OTUD3: variants seen among roughly 807,000 people sequenced by gnomAD.
The protein encoded by OTUD3 is OTU deubiquitinase 3, also known as OTU domain-containing protein 3.
In OTUD3, 24 loss-of-function variants were observed where a neutral mutation model predicts 46.2. That is an observed-to-expected ratio of 0.52 (90% CI 0.38 to 0.73). OTUD3 has a LOEUF of 0.73. OTUD3 is among the 30% of genes least tolerant of loss of function. The pLI is 0.00. For missense variants in OTUD3, 455 were observed against 523.3 expected, an observed-to-expected ratio of 0.87 and a Z score of 1.27; for synonymous variants, 189 against 195.4, an observed-to-expected ratio of 0.97 and a Z score of 0.27.
At chr1:19,893,604 A>G (rs1047582906) in intron 2 of OTUD3, among the ~76,000 whole-genome samples, 9 of 152,090 alleles carry the variant, frequency 5.9e-5, no homozygotes, top group African/African-American at 1.9e-4. Flanking sequence ...CTCTCACCCT[A>G]TCACCACCAC....
At chr1:19,903,711 T>C (rs997788859) in intron 4 of OTUD3, among the ~76,000 whole-genome samples, 1 of 152,146 alleles carries the variant, frequency 6.6e-6, no homozygotes, top group Non-Finnish European at 1.5e-5. Context: ...AGGATTTGGA[T>C]TGACAAGTTT....
intron 6 of OTUD3, among the ~76,000 whole-genome samples, chr1:19,905,530 C>G (rs1335548595): frequency 6.6e-6 from 1 of 151,952 alleles, no homozygotes; most frequent in Non-Finnish European, 1.5e-5. Flanking sequence ...ATCACGAGGT[C>G]AGGAGTTTGA....
In OTUD3 at chr1:19,912,906, T is replaced by C. The variant is rs1248969940; in HGVS notation, c.*5160T>C. On this transcript the variant is annotated 3_prime_UTR_variant, in exon 8 of 8. Coordinates refer to ENST00000375120, the MANE Select transcript of OTUD3 (RefSeq NM_015207.2). ...AAGATGTGCCACTTTATCTATGAAA[T>C]GGAGTTTTGTATACCAATAAATTCT... is the stretch of plus-strand genomic sequence containing the variant. 6.6e-6 allele frequency: 1 copy of C among 152,360 alleles called. No individual in the cohort carries two copies. The highest frequency in any genetic ancestry group is 1.5e-5 in the Non-Finnish European group (1 of 68,034). 9.4% of individuals were successfully genotyped at this position (152,360 alleles called of 1,614,324 possible).
In OTUD3 at chr1:19,894,447, A is replaced by G; in HGVS notation, c.450A>G (p.Val150=). Reference sequence around the variant, plus strand: ...TTGCAAGAAATCATCAGTTGAATGTAGTGATTCATCAACTTAATGCCCCTT... The same window carrying G: ...TTGCAAGAAATCATCAGTTGAATGTGGTGATTCATCAACTTAATGCCCCTT... ...VAFARNHQLN[V]VIHQLNAPLW... Residue 150 remains valine (V), a synonymous_variant, in exon 3 of 8, where the codon GTA becomes GTG. Transcript: ENST00000375120. 2 of 1,607,694 alleles carry G rather than the reference A, an allele frequency of 1.2e-6. No homozygotes were observed. Among genetic ancestry groups the G allele is most frequent in the Non-Finnish European group, 1.7e-6 (2 of 1,175,906 alleles).
chr1:19,898,996 A>G (rs1466291587), intron 4 of OTUD3, among the ~76,000 whole-genome samples: 2 of 152,040 alleles, frequency 1.3e-5, no homozygotes, highest in Non-Finnish European at 2.9e-5. Context: ...TTTTTTGCAG[A>G]GATGAAGTTT....
In OTUD3 at chr1:19,882,660, CGAG is replaced by C; in HGVS notation, c.154_156del (p.Glu52del). ...CGGAGTCTGGCGGCGGCGGCGGCTGCGAGGAGGAGTTCGTCAGCTTCGCCAACC... is the reference window on the plus strand; with the variant it reads ...CGGAGTCTGGCGGCGGCGGCGGCTGCGAGGAGTTCGTCAGCTTCGCCAACC... On this transcript the variant is annotated inframe_deletion, in exon 1 of 8. Transcript: ENST00000375120. 2 of 1,459,102 alleles carry C rather than the reference CGAG, an allele frequency of 1.4e-6. No individual in the cohort carries two copies. Among genetic ancestry groups the C allele is most frequent in the African/African-American group, 1.5e-5 (1 of 68,200 alleles). The allele number at this position is 1,459,102 out of a possible 1,614,324, so 90.4% of individuals were successfully genotyped here.
At chr1:19,907,482 CTGTGCCCTT>C (rs1417492404) in intron 7 of OTUD3, 79 bp from the exon 8 acceptor site, 6 of 1,288,882 alleles carry the variant, frequency 4.7e-6, no homozygotes, top group Non-Finnish European at 6.6e-6. Flanking sequence ...GAAAAGCAAT[CTGTGCCCTT>C]TGCCACCATC....
At chr1:19,906,280 TC>T (rs1249231953) in intron 6 of OTUD3, 151 bp from the exon 7 acceptor site, 1 of 562,762 alleles carries the variant, frequency 1.8e-6, no homozygotes, top group Non-Finnish European at 2.9e-6. Flanking sequence ...TTCCTATGTT[TC>T]CCACTGTCTT....
Position 19,895,745 on chromosome 1 carries a change from C to T in OTUD3, c.483+1265C>T, listed in dbSNP as rs537344798. Among the ~76,000 whole-genome samples, 3 of 152,200 alleles carry T rather than the reference C, an allele frequency of 2.0e-5. No homozygotes were observed. The East Asian group carries it at 5.8e-4, about 29-fold the overall frequency. On this transcript the variant is annotated intron_variant, in intron 3 of 7. Transcript: ENST00000375120. Reference sequence around the variant, plus strand: ...TCCATGGGGTTCTGTTTTCCAAGGGCGATGTTTGAGCAAAAATACTGGTTA... The same window carrying T: ...TCCATGGGGTTCTGTTTTCCAAGGGTGATGTTTGAGCAAAAATACTGGTTA...
chr1:19,887,359 C>T (rs2045379228), intron 1 of OTUD3, among the ~76,000 whole-genome samples: 1 of 152,180 alleles, frequency 6.6e-6, no homozygotes, highest in African/African-American at 2.4e-5. Context: ...GCTGGGATTA[C>T]AGGCATGAGC....
At chr1:19,888,395 C>G (rs745857252) in intron 1 of OTUD3, among the ~76,000 whole-genome samples, 58 of 152,250 alleles carry the variant, frequency 3.8e-4, no homozygotes, top group Non-Finnish European at 6.9e-4. Context: ...TAAGGAAACC[C>G]AGGTCACTGG....
intron 4 of OTUD3, among the ~76,000 whole-genome samples, chr1:19,899,155 CA>C (rs2045555827): frequency 6.6e-6 from 1 of 152,042 alleles, no homozygotes; most frequent in Non-Finnish European, 1.5e-5. Flanking sequence ...GATTAGAATT[CA>C]AAATATGTAA....
intron 6 of OTUD3, 140 bp from the exon 7 acceptor site, chr1:19,906,292 G>C: frequency 1.5e-6 from 1 of 657,218 alleles, no homozygotes; most frequent in South Asian, 3.4e-5. Flanking sequence ...CCACTGTCTT[G>C]ACATTCGAAT....
Position 19,882,606 on chromosome 1 carries a change from G to A in OTUD3, c.93G>A (p.Arg31=). 1 of 1,442,880 alleles carries A rather than the reference G, an allele frequency of 6.9e-7. No homozygotes were observed. Among genetic ancestry groups the A allele is most frequent in the Non-Finnish European group, 9.1e-7 (1 of 1,101,094 alleles). The allele number at this position is 1,442,880 out of a possible 1,614,324, so 89.4% of individuals were successfully genotyped here. ...AGCGGGACGAGCGGGCGGCGCGCCG[G>A]GCCCTGGCCAAGGAGCGGCGGAATC... The part of the protein sequence containing the change: ...ERKRDERAAR[R]ALAKERRNRP... Residue 31 remains arginine (R), a synonymous_variant, in exon 1 of 8, where the codon CGG becomes CGA. Transcript: ENST00000375120.
intron 1 of OTUD3, 85 bp downstream of exon 1, chr1:19,882,819 A>G (rs2045290237): frequency 2.5e-6 from 3 of 1,188,270 alleles, no homozygotes; most frequent in Non-Finnish European, 3.2e-6. Flanking sequence ...GCGTCCATCC[A>G]TCCATTCATT....
intron 4 of OTUD3, among the ~76,000 whole-genome samples, chr1:19,900,916 GTTT>G (rs990933093): frequency 8.6e-6 from 1 of 115,666 alleles, no homozygotes; most frequent in Non-Finnish European, 1.8e-5. Context: ...TTTTTTTTTT[GTTT>G]TTTTTTTTTT....
chr1:19,887,659 A>G (rs1340863937), intron 1 of OTUD3, among the ~76,000 whole-genome samples: 1 of 152,156 alleles, frequency 6.6e-6, no homozygotes, highest in Non-Finnish European at 1.5e-5. Context: ...TTTTCGTTTT[A>G]TTATACAGGT....
rs2045277837 is a variant in OTUD3, at chr1:19,882,421, T to A, written c.-93T>A. ...CTGCGTAGTCGTCGCCGGGCTCCGT[T>A]GCCCGCGCTGTTTTACCTTCCCAAC... On this transcript the variant is annotated 5_prime_UTR_variant, in exon 1 of 8. Coordinates refer to ENST00000375120, the MANE Select transcript of OTUD3 (RefSeq NM_015207.2). 1.5e-6 allele frequency: 2 copies of A among 1,300,092 alleles called. No individual in the cohort carries two copies. Among genetic ancestry groups the A allele is most frequent in the Non-Finnish European group, 9.7e-7 (1 of 1,028,330 alleles). The allele number at this position is 1,300,092 out of a possible 1,614,324, so 80.5% of individuals were successfully genotyped here.
chr1:19,882,705 G>C lies in OTUD3; in HGVS notation c.192G>C (p.Gly64=). ...TCGCCAACCAGCTGCAGGCCCTGGG[G>C]CTGAAGCTGCGGGAGGTGCCGGGGG... is the stretch of plus-strand genomic sequence containing the variant. The part of the protein sequence containing the change: ...VSFANQLQAL[G]LKLREVPGDG... Residue 64 remains glycine, a synonymous_variant, in exon 1 of 8, where the codon GGG becomes GGC. Transcript: ENST00000375120. The C allele has an allele frequency of 7.1e-7, 1 of 1,408,870 alleles. No individual in the cohort carries two copies. Among genetic ancestry groups the C allele is most frequent in the Non-Finnish European group, 9.3e-7 (1 of 1,080,472 alleles). 87.3% of individuals were successfully genotyped at this position (1,408,870 alleles called of 1,614,324 possible).
Sources: gnomAD v4.1 joint callset for allele counts (sites outside exome capture counted in the v4.1 genomes callset) on GRCh38, gnomAD v4.1.1 for gene constraint, MANE v1.5 for transcripts, NCBI Gene and HGNC (gene_info 2026-07-23, HGNC 2026-07-21) for gene names.